CARD9: variants seen among roughly 807,000 people sequenced by gnomAD.
CARD9 encodes the protein caspase recruitment domain-containing protein 9.
Under a neutral mutation model 66.0 loss-of-function variants are expected in CARD9, and 53 were observed. That is an observed-to-expected ratio of 0.80 (90% CI 0.64 to 1.01). The LOEUF is 1.01. Among genes scored for constraint, CARD9 ranks in the 50% least tolerant of loss-of-function variants. The pLI is 0.00. For synonymous variants in CARD9, 387 were observed against 313.8 expected, an observed-to-expected ratio of 1.23 and a Z score of -2.47; for missense variants, 769 against 743.2, an observed-to-expected ratio of 1.03 and a Z score of -0.40.
At chr9:136,371,542 AG>A in intron 2 of CARD9, 81 bp from the exon 3 acceptor site, 4 of 1,516,344 alleles carry the variant, frequency 2.6e-6, no homozygotes, top group Non-Finnish European at 3.6e-6. Flanking sequence ...GGGCAGGGAC[AG>A]GTGGAGGCTG....
At position 136,371,117 on chromosome 9, in the gene CARD9, C is replaced by T. The variant is rs775922619; in HGVS notation, c.351G>A (p.Gln117=). 5 of 1,612,590 alleles carry T rather than the reference C, an allele frequency of 3.1e-6. No homozygotes were observed. The highest frequency in any genetic ancestry group is 4.2e-6 in the Non-Finnish European group (5 of 1,179,894). Residue 117 remains glutamine, a synonymous_variant, in exon 4 of 13, where the codon CAG becomes CAA. Coordinates refer to ENST00000371732, the MANE Select transcript of CARD9 (RefSeq NM_052813.5). ...GCTTCATGACCTCAGTCATCAGCAG[C>T]TGAGTCAGGCCTGACTCCCCGGACG... ...IDASGESGLT[Q]LLMTEVMKLQ...
Position 136,364,405 on chromosome 9 carries a change from T to C in CARD9, c.1512-4A>G, listed in dbSNP as rs754244797. 1 of 1,549,352 alleles carries C rather than the reference T, an allele frequency of 6.5e-7. No homozygotes were observed. Among genetic ancestry groups the C allele is most frequent in the Non-Finnish European group, 8.7e-7 (1 of 1,149,914 alleles). On this transcript the variant is annotated splice_region_variant and splice_polypyrimidine_tract_variant and intron_variant, in intron 12 of 12. Coordinates refer to ENST00000371732, the MANE Select transcript of CARD9 (RefSeq NM_052813.5). ...CATCTTCCTGAGGGCGCGCTTCCTG[T>C]GAAGACAGGTGTCTCAGGCGCGACC... is the stretch of plus-strand genomic sequence containing the variant.
At chr9:136,369,286 G>T (rs944388814) in intron 7 of CARD9, among the ~76,000 whole-genome samples, 1 of 152,048 alleles carries the variant, frequency 6.6e-6, no homozygotes, top group African/African-American at 2.4e-5. Flanking sequence ...AAAAGCTACT[G>T]GTAAAACAAG....
rs764533162 is a variant in CARD9, at chr9:136,370,412, G to C, written c.833C>G (p.Pro278Arg). 4 of 1,611,114 alleles carry C rather than the reference G, an allele frequency of 2.5e-6. No homozygotes were observed. In the East Asian group the frequency reaches 6.7e-5, roughly 27 times the overall value. Residue 278 changes from proline to arginine, a missense_variant, in exon 6 of 13, where the codon CCC (proline) becomes CGC (arginine). Physicochemically the swap from Pro to Arg is moderately radical, Grantham distance 103 (BLOSUM62 -2). Transcript: ENST00000371732. ...VQEGKLDRSS[P>R]YIQVLEEDWR... is the part of the protein sequence containing the mutation. Reference sequence around the variant, plus strand: ...GTCCTCCTCCAGTACCTGGATGTAGGGGCTGCTCCTGTCCAGCTTCCCCTC... The same window carrying C: ...GTCCTCCTCCAGTACCTGGATGTAGCGGCTGCTCCTGTCCAGCTTCCCCTC...
At position 136,364,518 on chromosome 9, in the gene CARD9, C is replaced by T; in HGVS notation, c.1476G>A (p.Arg492=). ...LSSGEPPEKE[R]RRLKESFENY... ...TCTCAAAACTCTCTTTGAGGCGCCGCCGCTCCTTCTCGGGCGGCTCCCCGC... is the reference window on the plus strand; with the variant it reads ...TCTCAAAACTCTCTTTGAGGCGCCGTCGCTCCTTCTCGGGCGGCTCCCCGC... Residue 492 remains arginine, a synonymous_variant, in exon 12 of 13, where the codon CGG becomes CGA. Transcript: ENST00000371732. 6.5e-7 allele frequency: 1 copy of T among 1,539,266 alleles called. No individual in the cohort carries two copies. The highest frequency in any genetic ancestry group is 1.4e-5 in the African/African-American group (1 of 73,156).
rs373264509 is a variant in CARD9, at chr9:136,369,864, C to T, written c.963G>A (p.Glu321=). The change falls in exon 7 of 13, where the codon GAG becomes GAA. Residue 321 remains glutamate, a synonymous_variant. Coordinates refer to ENST00000371732, the MANE Select transcript of CARD9 (RefSeq NM_052813.5). ...GEARRLRCME[E]KEMFELQCLA... ...GGCACTGCAGCTCGAACATCTCCTT[C>T]TCCTCCATGCACTGCAGGGGGCGGC... 2 of 1,612,330 alleles carry T rather than the reference C, an allele frequency of 1.2e-6. No individual in the cohort carries two copies. Among genetic ancestry groups the T allele is most frequent in the Non-Finnish European group, 1.7e-6 (2 of 1,180,032 alleles).
intron 7 of CARD9, among the ~76,000 whole-genome samples, chr9:136,368,340 C>T (rs1008190969): frequency 3.3e-5 from 5 of 152,250 alleles, no homozygotes; most frequent in African/African-American, 9.6e-5. Context: ...CCCTGGCCAA[C>T]GCGCTCCCGG....
At chr9:136,371,605 G>C in intron 2 of CARD9, 144 bp from the exon 3 acceptor site, 1 of 1,356,206 alleles carries the variant, frequency 7.4e-7, no homozygotes, top group Non-Finnish European at 1.0e-6. Flanking sequence ...GTACCCTGCG[G>C]GTCTTGGTAC....
At chr9:136,365,274 C>T (rs1357939292) in intron 10 of CARD9, 57 bp from the exon 11 acceptor site, 59 of 1,539,322 alleles carry the variant, frequency 3.8e-5, no homozygotes, top group Non-Finnish European at 5.2e-5. Context: ...ACGTATAGCA[C>T]GGCTGCCCCA....
chr9:136,367,071 A>G, intron 9 of CARD9, 145 bp downstream of exon 9: 2 of 1,086,180 alleles, frequency 1.8e-6, no homozygotes, highest in South Asian at 1.3e-5. Flanking sequence ...AGGCCTTAGC[A>G]TTTGGCCACC....
In CARD9 at chr9:136,370,866, A is replaced by G. The variant is rs1833249736; in HGVS notation, c.602T>C (p.Met201Thr). 5 of 1,600,868 alleles carry G rather than the reference A, an allele frequency of 3.1e-6. No homozygotes were observed. In the Middle Eastern group the frequency reaches 5.0e-4, roughly 160 times the overall value. ...CTCCAGCTGCAGGTCACGGTTCCGC[A>G]TGAGCGCGGCGCCCTTCTCCTCACT... is the stretch of plus-strand genomic sequence containing the variant. Reference protein sequence around the residue: ...HQSEEKGAALMRNRDLQLEID... With the variant: ...HQSEEKGAALTRNRDLQLEID... Residue 201 changes from methionine (M) to threonine (T), a missense_variant, in exon 4 of 13, where the codon ATG becomes ACG. Met to Thr is a moderately conservative substitution (Grantham distance 81). Transcript: ENST00000371732.
intron 11 of CARD9, chr9:136,364,809 G>A (rs1368898155): frequency 1.2e-5 from 7 of 600,230 alleles, no homozygotes; most frequent in South Asian, 2.0e-5. Flanking sequence ...CCTGGGGTCC[G>A]GGCCATTGTT....
At chr9:136,366,524 C>G (rs1328084989) in intron 10 of CARD9, 1 of 542,594 alleles carries the variant, frequency 1.8e-6, no homozygotes, top group African/African-American at 1.9e-5. Context: ...GGCCTGCTCA[C>G]CTCTGCAGCC....
Position 136,367,694 on chromosome 9 carries a change from C to T in CARD9, c.1212G>A (p.Ala404=), listed in dbSNP as rs574560841. 6.5e-5 allele frequency: 104 copies of T among 1,602,056 alleles called. No individual in the cohort carries two copies. The Admixed American group carries it at 9.0e-4, about 14-fold the overall frequency. ...GCCTGCCCTCCACGGCCAGTAGCTG[C>T]GCCTCACACTGGAACACCTGCAGCT... The part of the protein sequence containing the change: ...ELQLQVFQCE[A]QLLAVEGRLR... Residue 404 remains alanine, a synonymous_variant, in exon 8 of 13, where the codon GCG becomes GCA. Coordinates refer to ENST00000371732, the MANE Select transcript of CARD9 (RefSeq NM_052813.5).
chr9:136,364,779 A>C, intron 11 of CARD9: 1 of 608,536 alleles, frequency 1.6e-6, no homozygotes, highest in Non-Finnish European at 2.9e-6. Context: ...CACACCCAGG[A>C]GGCCAAGCCA....
rs774076601 is a variant in CARD9 at position 136,364,467 on chromosome 9, G to A, written c.1511+16C>T. On this transcript the variant is annotated intron_variant, in intron 12 of 12. Coordinates refer to ENST00000371732, the MANE Select transcript of CARD9 (RefSeq NM_052813.5). ...CCCCAGCCCGTTTTGGAGAAGCCTG[G>A]GGGCCGCCCGCCTACCTGCGGTAGT... 6.5e-7 allele frequency: 1 copy of A among 1,540,492 alleles called. No individual in the cohort carries two copies. The highest frequency in any genetic ancestry group is 1.2e-5 in the South Asian group (1 of 84,058).
In CARD9 at chr9:136,364,372, C is replaced by G. The variant is rs1036710533; in HGVS notation, c.1541G>C (p.Gly514Ala). Reference sequence around the variant, plus strand: ...CCGGTCCTCCTCCCCCTGCCGCCATCCTTTCTGCATCTTCCTGAGGGCGCG... The same window carrying G: ...CCGGTCCTCCTCCCCCTGCCGCCATGCTTTCTGCATCTTCCTGAGGGCGCG... Reference protein sequence around the residue: ...RKRALRKMQKGWRQGEEDREN... With the variant: ...RKRALRKMQKAWRQGEEDREN... The change falls in exon 13 of 13, where the codon GGA becomes GCA. Residue 514 changes from glycine to alanine, a missense_variant. Gly to Ala is a moderately conservative substitution (Grantham distance 60). Coordinates refer to ENST00000371732, the MANE Select transcript of CARD9 (RefSeq NM_052813.5). 3 of 1,567,234 alleles carry G rather than the reference C, an allele frequency of 1.9e-6. No individual in the cohort carries two copies. Among genetic ancestry groups the G allele is most frequent in the Admixed American group, 1.9e-5 (1 of 53,838 alleles).
chr9:136,373,415 G>A (rs2131447917), intron 1 of CARD9, 117 bp downstream of exon 1: 1 of 806,574 alleles, frequency 1.2e-6, no homozygotes, highest in East Asian at 1.3e-4. Context: ...CATGGCGGAG[G>A]CTGCCTGGCT....
intron 11 of CARD9, 93 bp downstream of exon 11, chr9:136,365,048 C>T: frequency 1.5e-6 from 2 of 1,303,172 alleles, no homozygotes; most frequent in Non-Finnish European, 2.2e-6. Flanking sequence ...TCGGGGCCAC[C>T]GCAGGGGGTG....
Sources: allele counts gnomAD v4.1 joint callset (sites outside exome capture counted in the v4.1 genomes callset), GRCh38; gene constraint gnomAD v4.1.1; transcripts MANE v1.5; gene names NCBI Gene and HGNC (gene_info 2026-07-23, HGNC 2026-07-21).